Variants in PHACTR2 observed in about 807,000 individuals in gnomAD.
PHACTR2 encodes the protein chromosome 6 open reading frame 56.
A neutral mutation model predicts 76.0 loss-of-function variants in PHACTR2; 30 were observed. The ratio of observed to expected loss-of-function variants is 0.39; its 90% CI spans 0.30 to 0.54. The LOEUF (loss-of-function observed/expected upper bound fraction) is 0.54. Ranked by LOEUF, PHACTR2 falls within the 20% of genes least tolerant of loss-of-function variation. The pLI is 0.61. For synonymous variants in PHACTR2, 292 were observed against 292.5 expected (o/e 1.00, Z 0.02); for missense variants, 696 against 781.1 (o/e 0.89, Z 1.30).
intron 2 of PHACTR2, among the ~76,000 whole-genome samples, chr6:143,737,658 G>A (rs1778850767): frequency 6.6e-6 from 1 of 152,130 alleles, no homozygotes; most frequent in Admixed American, 6.5e-5. Flanking sequence ...CAAACCTTAA[G>A]TGTTACAGTT....
rs1200642118 is a variant in PHACTR2, at chr6:143,819,468, T to C, written c.1923-4206T>C. On this transcript the variant is annotated intron_variant, in intron 12 of 12. Transcript: ENST00000440869. This position sits in a 1 kb window ranked among gnomAD's most constrained non-coding sequence, Gnocchi z 5.0. ...ATGAGAGGGGATTTATTAGGGCAAT[T>C]GGCTCACATGATAATGGATGCTGAG... is the stretch of plus-strand genomic sequence containing the variant. Among the ~76,000 whole-genome samples the C allele has an allele frequency of 1.3e-5, 2 of 152,184 alleles. No individual in the cohort carries two copies. Among genetic ancestry groups the C allele is most frequent in the Non-Finnish European group, 2.9e-5 (2 of 68,032 alleles).
chr6:143,761,618 G>A lies in PHACTR2; in HGVS notation c.694+978G>A, dbSNP rs960523966. Among the ~76,000 whole-genome samples the A allele has an allele frequency of 5.9e-5, 9 of 152,072 alleles. No individual in the cohort carries two copies. The highest frequency in any genetic ancestry group is 3.9e-4 in the Admixed American group (6 of 15,260). ...AAAATACAAGAATTAGCCAGGCGTC[G>A]TGGCGTGCACCTCTAATCCCAGCTA... is the stretch of plus-strand genomic sequence containing the variant. On this transcript the variant is annotated intron_variant, in intron 5 of 12. Transcript: ENST00000440869. This position sits in a 1 kb window ranked among gnomAD's most constrained non-coding sequence, Gnocchi z 5.2.
rs1016297045 is a variant in PHACTR2 at position 143,816,444 on chromosome 6, A to G, written c.1923-7230A>G. Among the ~76,000 whole-genome samples the G allele has an allele frequency of 6.6e-6, 1 of 152,210 alleles. No individual in the cohort carries two copies. Among genetic ancestry groups the G allele is most frequent in the Non-Finnish European group, 1.5e-5 (1 of 68,038 alleles). On this transcript the variant is annotated intron_variant, in intron 12 of 12. Coordinates refer to ENST00000440869, the MANE Select transcript of PHACTR2 (RefSeq NM_001100164.2). This position sits in a 1 kb window ranked among gnomAD's most constrained non-coding sequence, Gnocchi z 4.5. ...TTCAGATTGGATAGAGCAGGAAAATATATGGCTTTTGTTTTCCTTCTGGTT... is the reference window on the plus strand; with the variant it reads ...TTCAGATTGGATAGAGCAGGAAAATGTATGGCTTTTGTTTTCCTTCTGGTT...
rs1378299593 is a variant in PHACTR2 at position 143,829,377 on chromosome 6, C to A, written c.*5688C>A. 6.6e-6 allele frequency: 1 copy of A among 151,984 alleles called. No individual in the cohort carries two copies. Among genetic ancestry groups the A allele is most frequent in the Admixed American group, 6.6e-5 (1 of 15,250 alleles). The allele number at this position is 151,984 out of a possible 1,614,324, so 9.4% of individuals were successfully genotyped here. ...AGATTTCACCTGGTTATGCTGCATC[C>A]CATAAGTTCCAAATGAATCACCTGC... On this transcript the variant is annotated 3_prime_UTR_variant, in exon 13 of 13. Coordinates refer to ENST00000440869, the MANE Select transcript of PHACTR2 (RefSeq NM_001100164.2).
chr6:143,765,935 A>G lies in PHACTR2; in HGVS notation c.1232+137A>G, dbSNP rs1484976912. The G allele has an allele frequency of 1.4e-5, 10 of 734,546 alleles. No individual in the cohort carries two copies. Among genetic ancestry groups the G allele is most frequent in the Admixed American group, 5.8e-5 (2 of 34,464 alleles). The allele number at this position is 734,546 out of a possible 1,614,324, so 45.5% of individuals were successfully genotyped here. ...GTTAGGTAGGCATACATGTGATCCA[A>G]CCATTGCTTTGTCAGAGCCCTGCCC... On this transcript the variant is annotated intron_variant, in intron 6 of 12. Transcript: ENST00000440869. This position sits in a 1 kb window ranked among gnomAD's most constrained non-coding sequence, Gnocchi z 4.1.
chr6:143,815,308 A>G lies in PHACTR2; in HGVS notation c.1922+8175A>G, dbSNP rs988714029. On this transcript the variant is annotated intron_variant, in intron 12 of 12. Coordinates refer to ENST00000440869, the MANE Select transcript of PHACTR2 (RefSeq NM_001100164.2). ...AAGAGAGCCTCTTCCTTTGTTTAACATAAGTATATGTACAGGAGGATCCCC... is the reference window on the plus strand; with the variant it reads ...AAGAGAGCCTCTTCCTTTGTTTAACGTAAGTATATGTACAGGAGGATCCCC... Among the ~76,000 whole-genome samples the G allele has an allele frequency of 8.5e-4, 129 of 152,296 alleles. 1 individual carries two copies. Among genetic ancestry groups the G allele is most frequent in the Non-Finnish European group, 3.2e-4 (22 of 68,020 alleles).
Position 143,664,156 on chromosome 6 carries a change from C to A in PHACTR2, c.14-47860C>A, listed in dbSNP as rs1315268436. Among the ~76,000 whole-genome samples the A allele has an allele frequency of 6.6e-6, 1 of 151,908 alleles. No individual in the cohort carries two copies. The highest frequency in any genetic ancestry group is 1.5e-5 in the Non-Finnish European group (1 of 67,946). ...TTTGTCATTACACTATATAATATGT[C>A]CCTCTATACTATTTGTTATTTTACC... is the stretch of plus-strand genomic sequence containing the variant. On this transcript the variant is annotated intron_variant, in intron 1 of 11. Coordinates refer to the PHACTR2 transcript ENST00000305766. This position sits in a 1 kb window ranked among gnomAD's most constrained non-coding sequence, Gnocchi z 5.1.
chr6:143,742,115 AAAC>A lies in PHACTR2; in HGVS notation c.215-6862_215-6860del, dbSNP rs1319017851. On this transcript the variant is annotated intron_variant, in intron 2 of 12. Coordinates refer to ENST00000440869, the MANE Select transcript of PHACTR2 (RefSeq NM_001100164.2). This position sits in a 1 kb window ranked among gnomAD's most constrained non-coding sequence, Gnocchi z 4.5. ...AGTGAAACTCCATCTCAAAAAAAAA[AAAC>A]AACAACATTTATTTGATACTTTTTT... 5.3e-5 allele frequency among the ~76,000 whole-genome samples: 8 copies of A among 152,228 alleles called. No individual in the cohort carries two copies. Among genetic ancestry groups the A allele is most frequent in the African/African-American group, 1.4e-4 (6 of 41,536 alleles).
rs139544195 is a variant in PHACTR2 at position 143,641,503 on chromosome 6, G to T, written c.13+33181G>T. On this transcript the variant is annotated intron_variant, in intron 1 of 11. Transcript: ENST00000305766. This position sits in a 1 kb window ranked among gnomAD's most constrained non-coding sequence, Gnocchi z 5.8. ...GTTGTTGATTTGTTTGTTTGTTTGT[G>T]TGTTTGTTGTTGTTGTTTTTGAGAC... Among the ~76,000 whole-genome samples, 101 of 152,176 alleles carry T rather than the reference G, an allele frequency of 6.6e-4. 1 individual carries two copies. In the South Asian group the frequency reaches 8.3e-3, roughly 13 times the overall value.
intron 1 of PHACTR2, among the ~76,000 whole-genome samples, chr6:143,707,266 AGT>A (rs1778076325): frequency 6.6e-6 from 1 of 152,244 alleles, no homozygotes; most frequent in African/African-American, 2.4e-5. Context: ...TACACAGCAG[AGT>A]GTTATCAAAG....
rs1318952912 is a variant in PHACTR2 at position 143,820,406 on chromosome 6, G to A, written c.1923-3268G>A. ...AAGTAAGTTATTTCCAAGATATGGT[G>A]GAGATCTATACTGGGTAAACATTCC... On this transcript the variant is annotated intron_variant, in intron 12 of 12. Coordinates refer to ENST00000440869, the MANE Select transcript of PHACTR2 (RefSeq NM_001100164.2). This position sits in a 1 kb window ranked among gnomAD's most constrained non-coding sequence, Gnocchi z 4.2. 6.6e-6 allele frequency among the ~76,000 whole-genome samples: 1 copy of A among 152,168 alleles called. No homozygotes were observed. The highest frequency in any genetic ancestry group is 1.5e-5 in the Non-Finnish European group (1 of 68,020).
At position 143,537,871 on chromosome 6, in the gene PHACTR2, C is replaced by T. The variant is rs9403500; in HGVS notation, c.217+664C>T. Among the ~76,000 whole-genome samples the T allele has an allele frequency of 0.15, 23,083 of 152,116 alleles. 2,032 individuals carry two copies. Among genetic ancestry groups the T allele is most frequent in the Non-Finnish European group, 0.21 (14,089 of 67,948 alleles). Reference sequence around the variant, plus strand: ...CTGTAATTCCAGAGCTTTGGGAGGCCCAAGGCCGGCCGATCACTTGAGGTC... The same window carrying T: ...CTGTAATTCCAGAGCTTTGGGAGGCTCAAGGCCGGCCGATCACTTGAGGTC... On this transcript the variant is annotated intron_variant, in intron 1 of 11. Transcript: ENST00000367584. This position sits in a 1 kb window ranked among gnomAD's most constrained non-coding sequence, Gnocchi z 4.4.
intron 2 of PHACTR2, among the ~76,000 whole-genome samples, chr6:143,716,325 C>G (rs1261057728): frequency 2.6e-5 from 4 of 152,036 alleles, no homozygotes; most frequent in African/African-American, 9.7e-5. Context: ...CAGATGGTGT[C>G]TGTTATGGGA....
chr6:143,783,372 G>A lies in PHACTR2; in HGVS notation c.1707+92G>A. ...TCCTCTCTGTATGTGTAAATCAGATGTTTAGAAATAATTATTCCTATTAGT... is the reference window on the plus strand; with the variant it reads ...TCCTCTCTGTATGTGTAAATCAGATATTTAGAAATAATTATTCCTATTAGT... On this transcript the variant is annotated intron_variant, in intron 10 of 12. Transcript: ENST00000440869. The surrounding 1 kb of genome is among the most constrained non-coding windows in gnomAD (Gnocchi z 5.2). 1 of 717,210 alleles carries A rather than the reference G, an allele frequency of 1.4e-6. No individual in the cohort carries two copies. The highest frequency in any genetic ancestry group is 2.4e-6 in the Non-Finnish European group (1 of 419,956). The allele number at this position is 717,210 out of a possible 1,614,324, so 44.4% of individuals were successfully genotyped here. A position where few individuals can be genotyped will look rare whatever the true frequency, so the allele number is the denominator to read the frequency against.
At chr6:143,686,011 AATCTC>A (rs1777510960) in intron 1 of PHACTR2, among the ~76,000 whole-genome samples, 1 of 151,980 alleles carries the variant, frequency 6.6e-6, no homozygotes, top group Non-Finnish European at 1.5e-5. Context: ...GGGCGCCCGT[AATCTC>A]AGCTACTTGA....
Position 143,597,450 on chromosome 6 carries a change from G to A in PHACTR2, c.217+60243G>A, listed in dbSNP as rs2128435284. On this transcript the variant is annotated intron_variant, in intron 1 of 11. Coordinates refer to the PHACTR2 transcript ENST00000367584. The surrounding 1 kb of genome is among the most constrained non-coding windows in gnomAD (Gnocchi z 5.7). ...ACCCACAGACCATCCTAAAAATAAA[G>A]TGAAATCCCTACTCTCTACAACCCA... Among the ~76,000 whole-genome samples, 1 of 152,286 alleles carries A rather than the reference G, an allele frequency of 6.6e-6. No homozygotes were observed. Among genetic ancestry groups the A allele is most frequent in the East Asian group, 1.9e-4 (1 of 5,182 alleles).
rs1776963996 is a variant in PHACTR2 at position 143,662,574 on chromosome 6, AAAC to A, written c.14-49437_14-49435del. On this transcript the variant is annotated intron_variant, in intron 1 of 11. Coordinates refer to the PHACTR2 transcript ENST00000305766. The surrounding 1 kb of genome is among the most constrained non-coding windows in gnomAD (Gnocchi z 4.7). Reference sequence around the variant, plus strand: ...AACTATTGAATAATGAAAGTGTTTTAAACAACACTAAAAATGCATCTGTATTTT... The same window carrying A: ...AACTATTGAATAATGAAAGTGTTTTAAACACTAAAAATGCATCTGTATTTT... Among the ~76,000 whole-genome samples, 1 of 152,186 alleles carries A rather than the reference AAAC, an allele frequency of 6.6e-6. No individual in the cohort carries two copies. The highest frequency in any genetic ancestry group is 1.5e-5 in the Non-Finnish European group (1 of 68,028).
Position 143,820,052 on chromosome 6 carries a change from C to A in PHACTR2, c.1923-3622C>A, listed in dbSNP as rs1036962702. On this transcript the variant is annotated intron_variant, in intron 12 of 12. Coordinates refer to ENST00000440869, the MANE Select transcript of PHACTR2 (RefSeq NM_001100164.2). This position sits in a 1 kb window ranked among gnomAD's most constrained non-coding sequence, Gnocchi z 4.2. ...GAAAGAGTGGAGGAGAAGTGCCCCA[C>A]ACTTTTAAACCAGACCTCGTGAGAA... Among the ~76,000 whole-genome samples, 1 of 152,024 alleles carries A rather than the reference C, an allele frequency of 6.6e-6. No individual in the cohort carries two copies. The highest frequency in any genetic ancestry group is 2.1e-4 in the South Asian group (1 of 4,822).
chr6:143,626,341 T>G (rs1776256622), intron 1 of PHACTR2, among the ~76,000 whole-genome samples: 1 of 151,778 alleles, frequency 6.6e-6, no homozygotes, highest in Non-Finnish European at 1.5e-5. Flanking sequence ...ATTAAGACCA[T>G]CCTGGCTAAC....
Sources: gnomAD v4.1 joint callset for allele counts (sites outside exome capture counted in the v4.1 genomes callset) on GRCh38, gnomAD v4.1.1 for gene constraint, Gnocchi (gnomAD v3.1) non-coding constraint, MANE v1.5 for transcripts, NCBI Gene and HGNC (gene_info 2026-07-23, HGNC 2026-07-21) for gene names.